The following SPTBN5 variants were observed in gnomAD, a reference collection of about 807,000 sequenced individuals.
SPTBN5 encodes spectrin beta, non-erythrocytic 5.
A neutral mutation model predicts 477.6 loss-of-function variants in SPTBN5; 513 were observed. That is an observed-to-expected ratio of 1.07 (90% CI 1.00 to 1.16). The LOEUF (loss-of-function observed/expected upper bound fraction) is 1.16, where lower values mean the gene tolerates loss of function less well. Among genes scored for constraint, SPTBN5 ranks in the 50% most tolerant of loss-of-function variants. The pLI, the probability that SPTBN5 is intolerant of heterozygous loss-of-function variation, is 0.00. For synonymous variants in SPTBN5, 2,169 were observed against 2,011.7 expected (o/e 1.08, Z -2.09); for missense variants, 5,062 against 4,731.8 (o/e 1.07, Z -2.05).
intron 21 of SPTBN5, 37 bp from the exon 22 acceptor site, chr15:41,875,659 G>A: frequency 6.5e-7 from 1 of 1,541,020 alleles, no homozygotes; most frequent in Non-Finnish European, 8.8e-7. Context: ...GTTTGGCTGA[G>A]CTGCTGGTAC....
Position 41,858,606 on chromosome 15 carries a change from T to G in SPTBN5, c.8222A>C (p.Gln2741Pro). 1 of 1,610,580 alleles carries G rather than the reference T, an allele frequency of 6.2e-7. No homozygotes were observed. ...CTCCTGCCTGCAGGGCCTCACCCGCTGCAGCTCCTGCTGTTGGTGCATGCT... is the reference window on the plus strand; with the variant it reads ...CTCCTGCCTGCAGGGCCTCACCCGCGGCAGCTCCTGCTGTTGGTGCATGCT... Reference protein sequence around the residue: ...DASMHQQQELQREGQRLLQGG... With the variant: ...DASMHQQQELPREGQRLLQGG... Residue 2741 changes from glutamine (Q) to proline (P), a missense_variant, in exon 49 of 68, where the codon CAG becomes CCG. By Grantham distance (76) the Gln-to-Pro change is moderately conservative. Transcript: ENST00000320955.
rs766910197 is a variant in SPTBN5 at position 41,865,845 on chromosome 15, C to G, written c.6881G>C (p.Arg2294Pro). Residue 2294 changes from arginine to proline, a missense_variant, in exon 39 of 68, where the codon CGA (arginine) becomes CCA (proline). Coordinates refer to ENST00000320955, the MANE Select transcript of SPTBN5 (RefSeq NM_016642.4). The stretch of plus-strand genomic sequence containing the variant: ...TCCTCGGAACTCGCGGAGCCGCCGT[C>G]GGAGCTGCAGGCAGTGCTCCAGGTC... The part of the protein sequence containing the change: ...GQDLEHCLQL[R>P]RRLREFRGNS... 3.2e-6 allele frequency: 5 copies of G among 1,579,978 alleles called. No individual in the cohort carries two copies. The highest frequency in any genetic ancestry group is 2.3e-5 in the South Asian group (2 of 85,936).
At chr15:41,871,735 T>G in intron 28 of SPTBN5, 47 bp downstream of exon 28, 1 of 1,481,266 alleles carries the variant, frequency 6.8e-7, no homozygotes, top group South Asian at 1.4e-5. Flanking sequence ...CCCCACCCCA[T>G]AGGCTCTGCC....
At chr15:41,887,120 G>A (rs2067178394) in intron 6 of SPTBN5, 93 bp downstream of exon 6, 3 of 1,214,660 alleles carry the variant, frequency 2.5e-6, no homozygotes, top group Non-Finnish European at 2.4e-6. Context: ...CTTGGCCAAG[G>A]CCACACAGCT....
chr15:41,882,554 C>T lies in SPTBN5; in HGVS notation c.2046+31G>A, dbSNP rs61406498. On this transcript the variant is annotated intron_variant, in intron 10 of 67. Coordinates refer to ENST00000320955, the MANE Select transcript of SPTBN5 (RefSeq NM_016642.4). ...CCGAGAGGGAAGGGCAAGGCGCTGG[C>T]GACCGGCGGGCGCGCTCGGGGAGCT... 584 of 1,595,758 alleles carry T rather than the reference C, an allele frequency of 3.7e-4. 3 individuals are homozygous for T. In the African/African-American group the frequency reaches 7.2e-3, roughly 20 times the overall value.
chr15:41,856,486 AC>A lies in SPTBN5; in HGVS notation c.8920del (p.Val2974CysfsTer32), dbSNP rs753343473. ...GGCCATGGCCTTCTCCAGCTGCTGCACCCGGGCGGCCACCTCGTGGGCGGCA... is the reference window on the plus strand; with the variant it reads ...GGCCATGGCCTTCTCCAGCTGCTGCACCGGGCGGCCACCTCGTGGGCGGCA... ...HFAAHEVAAR[V>X]QQLEKAMAHL... is the part of the protein sequence containing the mutation. On this transcript the variant is annotated frameshift_variant, in exon 53 of 68. Coordinates refer to ENST00000320955, the MANE Select transcript of SPTBN5 (RefSeq NM_016642.4). LOFTEE classifies it high-confidence loss of function. 1 of 1,596,090 alleles carries A rather than the reference AC, an allele frequency of 6.3e-7. No homozygotes were observed. Among genetic ancestry groups the A allele is most frequent in the Non-Finnish European group, 8.5e-7 (1 of 1,172,602 alleles).
rs1487039438 is a variant in SPTBN5 at position 41,862,811 on chromosome 15, G to A, written c.7242C>T (p.His2414=). Reference sequence around the variant, plus strand: ...GCACCTCCACCTGGGCCTGGATGGGGTGCACTTCCCGCTCCAGCTCCTCGT... The same window carrying A: ...GCACCTCCACCTGGGCCTGGATGGGATGCACTTCCCGCTCCAGCTCCTCGT... ...RKHEELEREV[H]PIQAQVESLE... The change falls in exon 42 of 68, where the codon CAC becomes CAT. Residue 2414 remains histidine, a synonymous_variant. Coordinates refer to ENST00000320955, the MANE Select transcript of SPTBN5 (RefSeq NM_016642.4). 1.3e-6 allele frequency: 2 copies of A among 1,579,320 alleles called. No homozygotes were observed. Among genetic ancestry groups the A allele is most frequent in the South Asian group, 1.2e-5 (1 of 85,958 alleles).
In SPTBN5 at chr15:41,851,044, T is replaced by A; in HGVS notation, c.10835+15A>T. 1 of 1,608,764 alleles carries A rather than the reference T, an allele frequency of 6.2e-7. No homozygotes were observed. Among genetic ancestry groups the A allele is most frequent in the South Asian group, 1.1e-5 (1 of 90,080 alleles). On this transcript the variant is annotated intron_variant, in intron 65 of 67. Coordinates refer to ENST00000320955, the MANE Select transcript of SPTBN5 (RefSeq NM_016642.4). ...CTGCTGGGGGTGATGCCGGAGTCCA[T>A]GTCTCTCCGCTCACCTTAAGGAGAA...
chr15:41,855,594 A>C lies in SPTBN5; in HGVS notation c.9173T>G (p.Leu3058Arg). The C allele has an allele frequency of 1.2e-6, 2 of 1,611,896 alleles. No individual in the cohort carries two copies. Among genetic ancestry groups the C allele is most frequent in the Non-Finnish European group, 1.7e-6 (2 of 1,179,754 alleles). Residue 3058 changes from leucine (L) to arginine (R), a missense_variant, in exon 54 of 68, where the codon CTG becomes CGG. Coordinates refer to ENST00000320955, the MANE Select transcript of SPTBN5 (RefSeq NM_016642.4). Reference sequence around the variant, plus strand: ...CTCCAGGAGTGCTGCTGTCTGCTGCAGCCGCTCGATGCGTGGGCTGAACGC... The same window carrying C: ...CTCCAGGAGTGCTGCTGTCTGCTGCCGCCGCTCGATGCGTGGGCTGAACGC... ...LEAFSPRIER[L>R]QQTAALLESR...
intron 59 of SPTBN5, 27 bp downstream of exon 59, chr15:41,853,231 C>A (rs189916053): frequency 3.8e-6 from 6 of 1,560,254 alleles, no homozygotes; most frequent in South Asian, 2.4e-5. Flanking sequence ...CCCAGCCCAA[C>A]CCCAGGCCCA....
rs1332820349 is a variant in SPTBN5, at chr15:41,874,252, G to T, written c.4689+40C>A. ...GCAGAGGGTTTCTAAGGTCTGGGAA[G>T]CGGATGTCGGTAATCCTGTAGGAAG... is the stretch of plus-strand genomic sequence containing the variant. On this transcript the variant is annotated intron_variant, in intron 24 of 67. Coordinates refer to ENST00000320955, the MANE Select transcript of SPTBN5 (RefSeq NM_016642.4). 2.5e-6 allele frequency: 4 copies of T among 1,578,726 alleles called. No homozygotes were observed. In the South Asian group the frequency reaches 4.7e-5, roughly 18 times the overall value.
At position 41,857,307 on chromosome 15, in the gene SPTBN5, T is replaced by TC; in HGVS notation, c.8551_8552insG (p.Gln2851ArgfsTer91). The TC allele has an allele frequency of 6.4e-7, 1 of 1,570,374 alleles. No individual in the cohort carries two copies. The highest frequency in any genetic ancestry group is 8.6e-7 in the Non-Finnish European group (1 of 1,158,366). ...GCAGTGGCCTTCCCTCACAAAGGCC[T>TC]GGGCCTGGCCCAGCAGTGCCTCAGC... On this transcript the variant is annotated frameshift_variant, in exon 51 of 68. Coordinates refer to ENST00000320955, the MANE Select transcript of SPTBN5 (RefSeq NM_016642.4). LOFTEE classifies it high-confidence loss of function.
At position 41,858,748 on chromosome 15, in the gene SPTBN5, C is replaced by T. The variant is rs953072649; in HGVS notation, c.8080G>A (p.Val2694Met). The T allele has an allele frequency of 6.2e-7, 1 of 1,609,214 alleles. No individual in the cohort carries two copies. The highest frequency in any genetic ancestry group is 2.2e-5 in the East Asian group (1 of 44,794). ...LQAFLQDSQE[V>M]AAWLREKNLV... ...TTCTTCTCCCTCAGCCACGCAGCCA[C>T]CTGGGCACATGGGGAGGACAGGCCT... Residue 2694 changes from valine to methionine, a missense_variant and splice_region_variant, in exon 49 of 68, where the codon GTG (valine) becomes ATG (methionine). By Grantham distance (21) the Val-to-Met change is conservative. Transcript: ENST00000320955.
intron 4 of SPTBN5, 88 bp from the exon 5 acceptor site, chr15:41,888,173 C>A: frequency 7.4e-7 from 1 of 1,348,242 alleles, no homozygotes; most frequent in Non-Finnish European, 1.0e-6. Context: ...AGGCTGGCCA[C>A]AGCAGGATCC....
Position 41,860,626 on chromosome 15 carries a change from C to A in SPTBN5, c.7948G>T (p.Ala2650Ser). Residue 2650 changes from alanine (A) to serine (S), a missense_variant, in exon 47 of 68, where the codon GCC becomes TCC. By Grantham distance (99) the Ala-to-Ser change is moderately conservative. Transcript: ENST00000320955. ...RGLHQGGHPE[A>S]QSALGRCQAM... ...TGGCACCTGCCCAGGGCACTCTGGGCCTCGGGGTGCCCACCCTGGTGCAGG... is the reference window on the plus strand; with the variant it reads ...TGGCACCTGCCCAGGGCACTCTGGGACTCGGGGTGCCCACCCTGGTGCAGG... The A allele has an allele frequency of 6.6e-7, 1 of 1,523,412 alleles. No homozygotes were observed. The highest frequency in any genetic ancestry group is 8.8e-7 in the Non-Finnish European group (1 of 1,133,838). The allele number at this position is 1,523,412 out of a possible 1,614,324, so 94.4% of individuals were successfully genotyped here. A position where few individuals can be genotyped will look rare whatever the true frequency, so the allele number is the denominator to read the frequency against.
intron 41 of SPTBN5, 91 bp downstream of exon 41, chr15:41,863,613 G>A: frequency 1.5e-5 from 15 of 997,258 alleles, no homozygotes; most frequent in Middle Eastern, 2.3e-4. Context: ...AGGCCAGTGA[G>A]GGGGGAGACG....
chr15:41,857,465 T>C lies in SPTBN5; in HGVS notation c.8394A>G (p.Glu2798=). ...CGATGGGCTCCAGCCAGTTCTCCAG[T>C]TCCTCCATGCTCCGCCGCAGACGCA... ...EALRLRRSME[E]LENWLEPIEV... Residue 2798 remains glutamate (E), a synonymous_variant, in exon 51 of 68, where the codon GAA becomes GAG. Transcript: ENST00000320955. 2 of 1,609,212 alleles carry C rather than the reference T, an allele frequency of 1.2e-6. No homozygotes were observed. The highest frequency in any genetic ancestry group is 8.5e-7 in the Non-Finnish European group (1 of 1,177,524).
Position 41,854,898 on chromosome 15 carries a change from A to G in SPTBN5, c.9502T>C (p.Leu3168=), listed in dbSNP as rs759919162. 3.4e-5 allele frequency: 54 copies of G among 1,608,756 alleles called. No individual in the cohort carries two copies. The highest frequency in any genetic ancestry group is 1.7e-4 in the Middle Eastern group (1 of 6,038). Residue 3168 remains leucine, a synonymous_variant, in exon 56 of 68, where the codon TTG becomes CTG. Coordinates refer to ENST00000320955, the MANE Select transcript of SPTBN5 (RefSeq NM_016642.4). The part of the protein sequence containing the change: ...GQAKVYALRK[L]AGTLERGAPR... The stretch of plus-strand genomic sequence containing the variant: ...GCACCCCGCTCCAGGGTGCCTGCCA[A>G]CTTCCTCAGGGCATACACCTTGGCC...
At chr15:41,883,743 C>T (rs989219200) in intron 7 of SPTBN5, among the ~76,000 whole-genome samples, 2 of 152,132 alleles carry the variant, frequency 1.3e-5, no homozygotes, top group Non-Finnish European at 2.9e-5. Flanking sequence ...GGATGCAGTC[C>T]CCATTTCAGT....
Sources: gnomAD v4.1 joint callset for allele counts (sites outside exome capture counted in the v4.1 genomes callset) on GRCh38, gnomAD v4.1.1 for gene constraint, MANE v1.5 for transcripts, NCBI Gene and HGNC (gene_info 2026-07-23, HGNC 2026-07-21) for gene names.